Variants in KCNK3 observed in about 807,000 individuals in gnomAD.
KCNK3 encodes potassium two pore domain channel subfamily K member 3.
KCNK3 carries 9 observed loss-of-function variants against 27.3 expected under a neutral mutation model. The ratio of observed to expected loss-of-function variants is 0.33; its 90% CI spans 0.20 to 0.57. KCNK3 has a LOEUF of 0.57. Ranked by LOEUF, KCNK3 falls within the 20% of genes least tolerant of loss-of-function variation. The pLI is 0.87. For synonymous variants in KCNK3, 278 were observed against 273.8 expected (o/e 1.02, Z -0.15); for missense variants, 391 against 577.7 (o/e 0.68, Z 3.31).
At position 26,732,714 on chromosome 2, in the gene KCNK3, C is replaced by T. The variant is rs1663563197; in HGVS notation, c.*4146C>T. 1 of 152,302 alleles carries T rather than the reference C, an allele frequency of 6.6e-6. No individual in the cohort carries two copies. Among genetic ancestry groups the T allele is most frequent in the Non-Finnish European group, 1.5e-5 (1 of 68,066 alleles). The allele number at this position is 152,302 out of a possible 1,614,324, so 9.4% of individuals were successfully genotyped here. ...AGGCTTACTGCCCTGTCCCACCTGC[C>T]TCTGTCTTTCTTAAAACAGCTAAAT... is the stretch of plus-strand genomic sequence containing the variant. On this transcript the variant is annotated 3_prime_UTR_variant, in exon 2 of 2. Coordinates refer to ENST00000302909, the MANE Select transcript of KCNK3 (RefSeq NM_002246.3).
intron 1 of KCNK3, among the ~76,000 whole-genome samples, chr2:26,695,143 G>A (rs1043698783): frequency 2.0e-5 from 3 of 152,128 alleles, no homozygotes; most frequent in Non-Finnish European, 4.4e-5. Flanking sequence ...GATCCCTCTC[G>A]ATAGCTGCCA....
At chr2:26,722,530 G>C (rs1354834843) in intron 1 of KCNK3, among the ~76,000 whole-genome samples, 1 of 152,184 alleles carries the variant, frequency 6.6e-6, no homozygotes, top group East Asian at 1.9e-4. Context: ...AAGCAGTGTG[G>C]CCAAAGATAA....
intron 1 of KCNK3, among the ~76,000 whole-genome samples, chr2:26,702,764 G>T (rs951028496): frequency 6.6e-6 from 1 of 152,142 alleles, no homozygotes. Context: ...AGGAATTGGT[G>T]TATAGGCTGG....
intron 1 of KCNK3, among the ~76,000 whole-genome samples, chr2:26,696,890 T>C (rs1054633173): frequency 1.1e-4 from 17 of 152,148 alleles, no homozygotes; most frequent in Non-Finnish European, 2.5e-4. Context: ...CTTCTACTTG[T>C]TCAGGATACT....
intron 1 of KCNK3, among the ~76,000 whole-genome samples, chr2:26,694,796 G>A (rs770679582): frequency 2.0e-5 from 3 of 152,136 alleles, no homozygotes; most frequent in Non-Finnish European, 4.4e-5. Flanking sequence ...AGAATCAAAA[G>A]AATCAGACTG....
At chr2:26,714,532 T>C (rs1004651325) in intron 1 of KCNK3, among the ~76,000 whole-genome samples, 6 of 380 alleles carry the variant, frequency 0.016, no homozygotes, top group African/African-American at 0.041. Context: ...GAAGCAGAGC[T>C]GGAGAGAGCA....
intron 1 of KCNK3, among the ~76,000 whole-genome samples, chr2:26,698,341 T>C (rs1351863956): frequency 6.6e-6 from 1 of 152,150 alleles, no homozygotes; most frequent in African/African-American, 2.4e-5. Context: ...ACTTGGAAGC[T>C]GGAGTGCCTG....
Position 26,694,659 on chromosome 2 carries a change from G to T in KCNK3, c.283+1501G>T, listed in dbSNP as rs150698550. The stretch of plus-strand genomic sequence containing the variant: ...CTGTGAGTTTAGGATAGGATGATCA[G>T]ACTTAGGTCTGCCCAAAGAGGAGCC... On this transcript the variant is annotated intron_variant, in intron 1 of 1. Coordinates refer to ENST00000302909, the MANE Select transcript of KCNK3 (RefSeq NM_002246.3). 3.7e-3 allele frequency among the ~76,000 whole-genome samples: 563 copies of T among 152,218 alleles called. 3 individuals are homozygous for T. The highest frequency in any genetic ancestry group is 0.017 in the Middle Eastern group (5 of 294).
intron 1 of KCNK3, among the ~76,000 whole-genome samples, chr2:26,706,449 A>T (rs1670374564): frequency 6.6e-6 from 1 of 152,118 alleles, no homozygotes; most frequent in African/African-American, 2.4e-5. Flanking sequence ...CACTGGGAAC[A>T]AATCTGGGGT....
chr2:26,710,285 T>A (rs1235905847), intron 1 of KCNK3, among the ~76,000 whole-genome samples: 1 of 152,190 alleles, frequency 6.6e-6, no homozygotes, highest in Non-Finnish European at 1.5e-5. Flanking sequence ...AGAGATGAGA[T>A]GCAAGCGCAC....
chr2:26,712,136 G>A lies in KCNK3; in HGVS notation c.284-15531G>A, dbSNP rs906354290. Among the ~76,000 whole-genome samples, 5 of 152,172 alleles carry A rather than the reference G, an allele frequency of 3.3e-5. No homozygotes were observed. The East Asian group carries it at 5.8e-4, about 18-fold the overall frequency. On this transcript the variant is annotated intron_variant, in intron 1 of 1. Coordinates refer to ENST00000302909, the MANE Select transcript of KCNK3 (RefSeq NM_002246.3). Reference sequence around the variant, plus strand: ...GAAGCTGGAGGGCTTCAGGATGGCCGAGGCCACTGGAAAGGCTGGAAAATC... The same window carrying A: ...GAAGCTGGAGGGCTTCAGGATGGCCAAGGCCACTGGAAAGGCTGGAAAATC...
At chr2:26,707,210 C>T (rs11883570) in intron 1 of KCNK3, among the ~76,000 whole-genome samples, 8,412 of 152,264 alleles carry the variant, frequency 0.055, 758 homozygotes, top group African/African-American at 0.19. Context: ...CCTGGGGCTG[C>T]TGGAATGCAG....
chr2:26,725,044 C>A (rs1663389052), intron 1 of KCNK3, among the ~76,000 whole-genome samples: 1 of 152,128 alleles, frequency 6.6e-6, no homozygotes, highest in Admixed American at 6.5e-5. Flanking sequence ...GGCTGCCAGA[C>A]AGGGGGCACT....
chr2:26,713,079 T>G (rs1385959312), intron 1 of KCNK3, among the ~76,000 whole-genome samples: 1 of 152,150 alleles, frequency 6.6e-6, no homozygotes, highest in Non-Finnish European at 1.5e-5. Context: ...AGTTTTCCAC[T>G]GTGGGCACTG....
chr2:26,716,571 C>T (rs1663234698), intron 1 of KCNK3, among the ~76,000 whole-genome samples: 1 of 152,064 alleles, frequency 6.6e-6, no homozygotes, highest in Non-Finnish European at 1.5e-5. Flanking sequence ...AGAAGCCCAA[C>T]AGGCAGAACA....
chr2:26,706,089 T>C (rs1670369313), intron 1 of KCNK3, among the ~76,000 whole-genome samples: 1 of 152,120 alleles, frequency 6.6e-6, no homozygotes, highest in African/African-American at 2.4e-5. Flanking sequence ...AGAGAGCTTG[T>C]TGGGATCTGT....
At chr2:26,726,979 GCT>G (rs770210527) in intron 1 of KCNK3, among the ~76,000 whole-genome samples, 26 of 152,212 alleles carry the variant, frequency 1.7e-4, no homozygotes, top group Admixed American at 9.2e-4. Flanking sequence ...CATTCATCCT[GCT>G]CTTGCAGGGA....
At chr2:26,702,989 A>G (rs1411333165) in intron 1 of KCNK3, among the ~76,000 whole-genome samples, 1 of 152,062 alleles carries the variant, frequency 6.6e-6, no homozygotes, top group African/African-American at 2.4e-5. Context: ...GGTAGGGGGC[A>G]CCTGTAATCC....
rs1372859930 is a variant in KCNK3, at chr2:26,729,841, A to AC, written c.*1273_*1274insC. The AC allele has an allele frequency of 5.3e-5, 8 of 151,352 alleles. No homozygotes were observed. Among genetic ancestry groups the AC allele is most frequent in the African/African-American group, 1.9e-4 (8 of 41,074 alleles). The allele number at this position is 151,352 out of a possible 1,614,324, so 9.4% of individuals were successfully genotyped here. On this transcript the variant is annotated 3_prime_UTR_variant, in exon 2 of 2. Transcript: ENST00000302909. The stretch of plus-strand genomic sequence containing the variant: ...ACAGGGCAAGACCCTGTCTCAAAAA[A>AC]AAAAAAAAAAATGGCAAAGGGAGAC...
Sources: gnomAD v4.1 joint callset for allele counts (sites outside exome capture counted in the v4.1 genomes callset) on GRCh38, gnomAD v4.1.1 for gene constraint, MANE v1.5 for transcripts, NCBI Gene and HGNC (gene_info 2026-07-23, HGNC 2026-07-21) for gene names.